The following NEGR1 variants were observed in gnomAD, a reference collection of about 807,000 sequenced individuals.
The protein encoded by NEGR1 is neuronal growth regulator 1, also known as IgLON family member 4.
In NEGR1, 10 loss-of-function variants were observed where a neutral mutation model predicts 40.9. That is an observed-to-expected ratio of 0.24 (90% CI 0.15 to 0.42). NEGR1 has a LOEUF of 0.42. NEGR1 is among the 10% of genes least tolerant of loss of function. The pLI is 1.00. For missense variants in NEGR1, 352 were observed against 438.9 expected, an observed-to-expected ratio of 0.80 and a Z score of 1.77; for synonymous variants, 185 against 166.8, an observed-to-expected ratio of 1.11 and a Z score of -0.84.
At chr1:72,047,770 A>G (rs1647015812) in intron 1 of NEGR1, among the ~76,000 whole-genome samples, 2 of 151,576 alleles carry the variant, frequency 1.3e-5, no homozygotes, top group South Asian at 4.1e-4. Context: ...AACAAAGATT[A>G]CTAGTACTAG....
chr1:71,611,945 G>A (rs916979784), intron 4 of NEGR1, among the ~76,000 whole-genome samples: 4 of 152,272 alleles, frequency 2.6e-5, no homozygotes, highest in East Asian at 1.9e-4. Context: ...TGCATTGGCC[G>A]AGTGCGGTGG....
chr1:71,492,837 C>T (rs941905855), intron 6 of NEGR1, among the ~76,000 whole-genome samples: 1 of 152,022 alleles, frequency 6.6e-6, no homozygotes, highest in African/African-American at 2.4e-5. Context: ...AAAATGAAAA[C>T]GAAAGTAGCT....
chr1:71,966,501 A>C (rs1423229865), intron 1 of NEGR1, among the ~76,000 whole-genome samples: 6 of 152,084 alleles, frequency 3.9e-5, no homozygotes, highest in African/African-American at 1.4e-4. Context: ...TTCTATACCT[A>C]CTGATGGTTG....
In NEGR1 at chr1:72,159,330, G is replaced by T. The variant is rs958762911; in HGVS notation, c.176+122989C>A. Among the ~76,000 whole-genome samples the T allele has an allele frequency of 2.0e-5, 3 of 152,014 alleles. No homozygotes were observed. The East Asian group carries it at 5.8e-4, about 29-fold the overall frequency. On this transcript the variant is annotated intron_variant, in intron 1 of 6. Coordinates refer to ENST00000357731, the MANE Select transcript of NEGR1 (RefSeq NM_173808.3). The stretch of plus-strand genomic sequence containing the variant: ...GTGAGAAAACAATAGGCCAAACCAC[G>T]TAAGTCTTGGTTGATTAAACACAAG...
chr1:71,874,833 GTTTTTC>G lies in NEGR1; in HGVS notation c.409+60240_409+60245del, dbSNP rs368155970. On this transcript the variant is annotated intron_variant, in intron 2 of 6. Transcript: ENST00000357731. ...GGAAACTTTTCGGTTTCCACAGCAA[GTTTTTC>G]TTTTTCTTTTTCTTTTCTTTTTGAG... Among the ~76,000 whole-genome samples, 513 of 152,122 alleles carry G rather than the reference GTTTTTC, an allele frequency of 3.4e-3. 2 individuals carry two copies. Among genetic ancestry groups the G allele is most frequent in the African/African-American group, 0.012 (494 of 41,506 alleles).
At chr1:72,087,566 C>T (rs2100538370) in intron 1 of NEGR1, among the ~76,000 whole-genome samples, 1 of 151,696 alleles carries the variant, frequency 6.6e-6, no homozygotes, top group Non-Finnish European at 1.5e-5. Context: ...ATAGAAACAA[C>T]AGTATAACTC....
At chr1:71,734,519 T>C (rs1356406804) in intron 3 of NEGR1, among the ~76,000 whole-genome samples, 1 of 152,176 alleles carries the variant, frequency 6.6e-6, no homozygotes, top group Non-Finnish European at 1.5e-5. Context: ...TTTTCTCCTT[T>C]CTTTCTCCTA....
chr1:72,207,619 T>A (rs1180867756), intron 1 of NEGR1, among the ~76,000 whole-genome samples: 1 of 151,714 alleles, frequency 6.6e-6, no homozygotes. Flanking sequence ...TAACAAACAT[T>A]ACAGATACAT....
chr1:71,918,216 CAAAAAAAAAAAAAAAAAAAAAAA>C (rs1159908343), intron 2 of NEGR1, among the ~76,000 whole-genome samples: 94 of 24,756 alleles, frequency 3.8e-3, no homozygotes, highest in Non-Finnish European at 4.4e-3. Context: ...GACTCTGTCT[CAAAAAAAAAAAAAAAAAAAAAAA>C]AAAAAAAAAA....
intron 2 of NEGR1, among the ~76,000 whole-genome samples, chr1:71,934,031 G>A (rs917356590): frequency 2.0e-5 from 3 of 152,028 alleles, no homozygotes; most frequent in African/African-American, 7.2e-5. Flanking sequence ...CTCAAAGAGA[G>A]TACAGCTGAC....
At chr1:71,712,058 T>G (rs1354036291) in intron 3 of NEGR1, among the ~76,000 whole-genome samples, 2 of 152,126 alleles carry the variant, frequency 1.3e-5, no homozygotes, top group African/African-American at 4.8e-5. Flanking sequence ...GCTGAGGGAA[T>G]TTCTTAGAAT....
At chr1:71,819,295 G>A (rs75505706) in intron 2 of NEGR1, among the ~76,000 whole-genome samples, 4,821 of 152,078 alleles carry the variant, frequency 0.032, 116 homozygotes, top group Non-Finnish European at 0.045. Flanking sequence ...ACTATCATCA[G>A]TGGCATTGAA....
intron 6 of NEGR1, among the ~76,000 whole-genome samples, chr1:71,474,717 C>CAAAAAAAAAAAAAAAAAAA (rs56219737): frequency 2.3e-5 from 2 of 86,032 alleles, no homozygotes; most frequent in Non-Finnish European, 4.4e-5. Context: ...GACTCTATCT[C>CAAAAAAAAAAAAAAAAAAA]AAAAAAAAAA....
chr1:71,896,275 T>A (rs1224205035), intron 2 of NEGR1, among the ~76,000 whole-genome samples: 2 of 152,124 alleles, frequency 1.3e-5, no homozygotes, highest in Admixed American at 6.6e-5. Context: ...TGGCTTCAAG[T>A]GATCCACCCG....
chr1:71,837,796 C>G (rs961474528), intron 2 of NEGR1, among the ~76,000 whole-genome samples: 1 of 152,088 alleles, frequency 6.6e-6, no homozygotes, highest in African/African-American at 2.4e-5. Context: ...AGATATTGAG[C>G]TATTGTTAAT....
At chr1:71,426,178 CT>C (rs1332053993) in intron 6 of NEGR1, among the ~76,000 whole-genome samples, 1 of 152,138 alleles carries the variant, frequency 6.6e-6, no homozygotes, top group African/African-American at 2.4e-5. Flanking sequence ...TTAAAGAACA[CT>C]TTTTTATATA....
chr1:71,447,432 C>G (rs1023030597), intron 6 of NEGR1, among the ~76,000 whole-genome samples: 2 of 152,196 alleles, frequency 1.3e-5, no homozygotes, highest in African/African-American at 4.8e-5. Context: ...ATTCAAGCCT[C>G]TTAGTCCCAT....
intron 1 of NEGR1, among the ~76,000 whole-genome samples, chr1:72,041,211 C>A (rs1308625434): frequency 1.3e-5 from 2 of 151,842 alleles, no homozygotes; most frequent in African/African-American, 4.8e-5. Flanking sequence ...AATTGATTCC[C>A]AGTCCTATTG....
chr1:71,986,499 T>G (rs1646395864), intron 1 of NEGR1, among the ~76,000 whole-genome samples: 1 of 152,178 alleles, frequency 6.6e-6, no homozygotes, highest in Non-Finnish European at 1.5e-5. Context: ...GCTATCCCAC[T>G]CAGTCCTGCT....
Sources: allele counts gnomAD v4.1 joint callset (sites outside exome capture counted in the v4.1 genomes callset), GRCh38; gene constraint gnomAD v4.1.1; transcripts MANE v1.5; gene names NCBI Gene and HGNC (gene_info 2026-07-23, HGNC 2026-07-21).